Variants in LRRC4C observed in about 807,000 individuals in gnomAD.
LRRC4C encodes leucine-rich repeat-containing protein 4C.
A neutral mutation model predicts 33.6 loss-of-function variants in LRRC4C; 5 were observed. That is an observed-to-expected ratio of 0.15 (90% confidence interval 0.08 to 0.31). LRRC4C has a LOEUF of 0.31. Ranked by LOEUF, LRRC4C falls within the 10% of genes least tolerant of loss-of-function variation. LRRC4C has a pLI of 1.00. For synonymous variants in LRRC4C, 329 were observed against 302.0 expected (o/e 1.09, Z -0.93); for missense variants, 560 against 796.7 (o/e 0.70, Z 3.58).
intron 2 of LRRC4C, among the ~76,000 whole-genome samples, chr11:40,693,110 T>C (rs535436149): frequency 6.6e-6 from 1 of 152,170 alleles, no homozygotes; most frequent in African/African-American, 2.4e-5. Context: ...TCTGGTTTTT[T>C]ACCGCACACA....
At chr11:40,352,494 T>C (rs900461326) in intron 3 of LRRC4C, among the ~76,000 whole-genome samples, 1 of 152,052 alleles carries the variant, frequency 6.6e-6, no homozygotes, top group Non-Finnish European at 1.5e-5. Flanking sequence ...AGTTTTAGGG[T>C]ACATGTGCAC....
intron 4 of LRRC4C, among the ~76,000 whole-genome samples, chr11:40,273,258 T>C (rs1164390151): frequency 6.6e-6 from 1 of 152,026 alleles, no homozygotes; most frequent in Non-Finnish European, 1.5e-5. Context: ...ATATAATTAG[T>C]AGGTAATGTG....
intron 5 of LRRC4C, among the ~76,000 whole-genome samples, chr11:40,165,366 A>G (rs1412409718): frequency 6.6e-6 from 1 of 152,032 alleles, no homozygotes; most frequent in Non-Finnish European, 1.5e-5. Context: ...CATCTATATG[A>G]GTGGCAGAGT....
intron 2 of LRRC4C, among the ~76,000 whole-genome samples, chr11:40,815,460 T>C (rs908757941): frequency 1.1e-4 from 17 of 152,170 alleles, no homozygotes; most frequent in African/African-American, 3.9e-4. Context: ...CAAAACACAT[T>C]TGATAGATAC....
chr11:41,042,934 A>G (rs1157510875), intron 1 of LRRC4C, among the ~76,000 whole-genome samples: 1 of 151,356 alleles, frequency 6.6e-6, no homozygotes, highest in Non-Finnish European at 1.5e-5. Flanking sequence ...CCATGAGGCA[A>G]TTACTAGATG....
In LRRC4C at chr11:40,283,582, G is replaced by C. The variant is rs374042043; in HGVS notation, c.-176+36046C>G. 1.6e-4 allele frequency among the ~76,000 whole-genome samples: 24 copies of C among 151,138 alleles called. 1 individual carries two copies. In the East Asian group the frequency reaches 1.8e-3, roughly 11 times the overall value. On this transcript the variant is annotated intron_variant, in intron 4 of 6. Transcript: ENST00000528697. Reference sequence around the variant, plus strand: ...AGAAATTTCTTTACCTTAAAGATGTGTTAGATCAGGCCACTCATTTATTAG... The same window carrying C: ...AGAAATTTCTTTACCTTAAAGATGTCTTAGATCAGGCCACTCATTTATTAG...
chr11:41,224,418 G>T (rs945607088), intron 1 of LRRC4C, among the ~76,000 whole-genome samples: 1 of 152,148 alleles, frequency 6.6e-6, no homozygotes, highest in South Asian at 2.1e-4. Flanking sequence ...TCTCATCCAA[G>T]AGGCCAGTTT....
intron 2 of LRRC4C, among the ~76,000 whole-genome samples, chr11:40,712,707 A>C (rs1591530263): frequency 1.3e-5 from 2 of 152,156 alleles, no homozygotes; most frequent in Non-Finnish European, 2.9e-5. Context: ...ACCACCTTAA[A>C]AAACCTTTAC....
chr11:41,123,177 A>G (rs1354515601), intron 1 of LRRC4C, among the ~76,000 whole-genome samples: 1 of 151,136 alleles, frequency 6.6e-6, no homozygotes, highest in Non-Finnish European at 1.5e-5. Flanking sequence ...AGGAGGGTAA[A>G]TTCCCTGGTC....
intron 2 of LRRC4C, among the ~76,000 whole-genome samples, chr11:40,790,126 GA>G (rs993317127): frequency 1.2e-4 from 19 of 152,290 alleles, no homozygotes; most frequent in East Asian, 1.2e-3. Flanking sequence ...AGATTTCAGT[GA>G]CAAAACTTGA....
At chr11:40,740,026 G>A (rs1017932236) in intron 2 of LRRC4C, among the ~76,000 whole-genome samples, 6 of 151,564 alleles carry the variant, frequency 4.0e-5, no homozygotes, top group Non-Finnish European at 8.8e-5. Context: ...AATCTTATAT[G>A]TGTAATATAA....
intron 1 of LRRC4C, among the ~76,000 whole-genome samples, chr11:41,046,353 T>G (rs966139013): frequency 2.3e-4 from 35 of 152,058 alleles, no homozygotes; most frequent in African/African-American, 8.4e-4. Flanking sequence ...GAGGGAAAAT[T>G]TATTATCTCT....
At chr11:40,597,818 T>TC (rs1959516947) in intron 3 of LRRC4C, among the ~76,000 whole-genome samples, 1 of 152,100 alleles carries the variant, frequency 6.6e-6, no homozygotes, top group Non-Finnish European at 1.5e-5. Context: ...AATAATACAG[T>TC]AACGAAAAGG....
At chr11:41,195,219 C>T (rs1172814550) in intron 1 of LRRC4C, among the ~76,000 whole-genome samples, 3 of 151,974 alleles carry the variant, frequency 2.0e-5, no homozygotes, top group Non-Finnish European at 4.4e-5. Flanking sequence ...GTGTGCATGC[C>T]CTTTGTAAAT....
At chr11:40,499,429 T>G (rs553930752) in intron 3 of LRRC4C, among the ~76,000 whole-genome samples, 7 of 152,106 alleles carry the variant, frequency 4.6e-5, no homozygotes, top group Non-Finnish European at 8.8e-5. Flanking sequence ...AATCTTTGGG[T>G]AAAAATGGCC....
intron 1 of LRRC4C, among the ~76,000 whole-genome samples, chr11:40,964,759 C>G (rs1387180028): frequency 6.6e-6 from 1 of 151,828 alleles, no homozygotes; most frequent in African/African-American, 2.4e-5. Context: ...TTTTCTTAAT[C>G]CAGTCTATCA....
At chr11:40,562,623 A>G (rs1957593702) in intron 3 of LRRC4C, among the ~76,000 whole-genome samples, 1 of 152,178 alleles carries the variant, frequency 6.6e-6, no homozygotes, top group African/African-American at 2.4e-5. Flanking sequence ...TCGAGACTAG[A>G]GCTGATGCTT....
chr11:41,232,199 G>A (rs1392988174), intron 1 of LRRC4C, among the ~76,000 whole-genome samples: 2 of 151,948 alleles, frequency 1.3e-5, no homozygotes, highest in East Asian at 3.9e-4. Context: ...AGTTATTCTT[G>A]GTTCCTATTG....
chr11:40,219,388 C>T (rs1864235963), intron 5 of LRRC4C, among the ~76,000 whole-genome samples: 1 of 152,124 alleles, frequency 6.6e-6, no homozygotes, highest in Admixed American at 6.5e-5. Flanking sequence ...TACCAATCCA[C>T]CCATGTCTAC....
Sources: allele counts gnomAD v4.1 joint callset (sites outside exome capture counted in the v4.1 genomes callset), GRCh38; gene constraint gnomAD v4.1.1; transcripts MANE v1.5; gene names NCBI Gene and HGNC (gene_info 2026-07-23, HGNC 2026-07-21).